The following MAPK6 variants were observed in gnomAD, a reference collection of about 807,000 sequenced individuals.
MAPK6 encodes the protein mitogen-activated protein kinase 6.
In MAPK6, 19 loss-of-function variants were observed where a neutral mutation model predicts 59.3. The ratio of observed to expected loss-of-function variants is 0.32; its 90% CI spans 0.22 to 0.47. The LOEUF is 0.47. Ranked by LOEUF, MAPK6 falls within the 20% of genes least tolerant of loss-of-function variation. The pLI is 1.00. For synonymous variants in MAPK6, 316 were observed against 290.3 expected (o/e 1.09, Z -0.90); for missense variants, 724 against 847.9 (o/e 0.85, Z 1.81).
intron 3 of MAPK6, among the ~76,000 whole-genome samples, chr15:52,009,230 C>T (rs550540938): frequency 3.9e-5 from 6 of 152,270 alleles, no homozygotes; most frequent in East Asian, 1.9e-4. Flanking sequence ...GACAAACATC[C>T]GGTCTATTCT....
Position 52,046,369 on chromosome 15 carries a change from C to A in MAPK6, c.-92C>A, listed in dbSNP as rs1439254787. 3 of 971,210 alleles carry A rather than the reference C, an allele frequency of 3.1e-6. No individual in the cohort carries two copies. In the African/African-American group the frequency reaches 4.9e-5, roughly 16 times the overall value. 60.2% of individuals were successfully genotyped at this position (971,210 alleles called of 1,614,324 possible). A position where few individuals can be genotyped will look rare whatever the true frequency, so the allele number is the denominator to read the frequency against. ...GGAAGCATAATTATTTTTCTTCTCC[C>A]TTTTTGAAAGATCTTTCCTTTTGAT... On this transcript the variant is annotated 5_prime_UTR_variant, in exon 2 of 6. Transcript: ENST00000261845.
In MAPK6 at chr15:52,064,377, G is replaced by T. The variant is rs761159355; in HGVS notation, c.1543G>T (p.Ala515Ser). ...GCTAGAGGAAGCATCACAGCAACTG[G>T]CTGGAAAAGAAAGGGAAAAGAATCA... ...IALEEASQQLAGKEREKNQGF... is the reference protein window; with the variant it reads ...IALEEASQQLSGKEREKNQGF... Residue 515 changes from alanine to serine, a missense_variant, in exon 6 of 6, where the codon GCT becomes TCT. By Grantham distance (99) the Ala-to-Ser change is moderately conservative. Transcript: ENST00000261845. 3 of 1,611,884 alleles carry T rather than the reference G, an allele frequency of 1.9e-6. No homozygotes were observed. Among genetic ancestry groups the T allele is most frequent in the Admixed American group, 1.7e-5 (1 of 60,002 alleles).
chr15:52,034,192 C>G (rs2031152089), intron 1 of MAPK6, among the ~76,000 whole-genome samples: 1 of 152,026 alleles, frequency 6.6e-6, no homozygotes, highest in African/African-American at 2.4e-5. Flanking sequence ...ACCATGTTCG[C>G]CAGGCTGGTT....
chr15:51,990,368 A>G (rs972933152), intron 2 of MAPK6, among the ~76,000 whole-genome samples: 8 of 152,236 alleles, frequency 5.3e-5, no homozygotes, highest in African/African-American at 1.9e-4. Flanking sequence ...CATAATTGCT[A>G]TGGGCAGTGA....
intron 2 of MAPK6, among the ~76,000 whole-genome samples, chr15:51,987,602 G>A (rs1197671265): frequency 6.6e-6 from 1 of 151,952 alleles, no homozygotes; most frequent in African/African-American, 2.4e-5. Context: ...CTGGGTGATA[G>A]AGTGAGACTC....
chr15:51,993,802 C>CTTTT (rs1169370572), intron 2 of MAPK6, among the ~76,000 whole-genome samples: 2 of 140,472 alleles, frequency 1.4e-5, no homozygotes, highest in African/African-American at 2.6e-5. Flanking sequence ...TTTTTTCTTT[C>CTTTT]TTTTTTTTTT....
chr15:51,992,915 T>G (rs985549247), intron 2 of MAPK6, among the ~76,000 whole-genome samples: 1 of 152,094 alleles, frequency 6.6e-6, no homozygotes, highest in African/African-American at 2.4e-5. Flanking sequence ...ACGTGTTCAC[T>G]TATCTGGAAG....
At chr15:52,021,080 C>T (rs367999815) in intron 1 of MAPK6, among the ~76,000 whole-genome samples, 8 of 152,258 alleles carry the variant, frequency 5.3e-5, no homozygotes, top group African/African-American at 1.4e-4. Flanking sequence ...TGGCTACTTT[C>T]TGTTATTAAA....
intron 1 of MAPK6, among the ~76,000 whole-genome samples, chr15:52,034,571 G>A (rs997833898): frequency 6.6e-6 from 1 of 152,124 alleles, no homozygotes; most frequent in African/African-American, 2.4e-5. Flanking sequence ...CCCCCAAAGT[G>A]CTAGGATTAC....
upstream of MAPK6, chr15:52,017,988 A>T (rs2030325067): frequency 6.6e-6 from 1 of 152,166 alleles, no homozygotes; most frequent in Non-Finnish European, 1.5e-5. Flanking sequence ...ATATTAAAAA[A>T]TATAAAGCAT....
chr15:51,977,191 C>T (rs1209812372), intron 1 of MAPK6, among the ~76,000 whole-genome samples: 3 of 151,248 alleles, frequency 2.0e-5, no homozygotes, highest in East Asian at 2.0e-4. Context: ...TTGGTAGAGA[C>T]GGGATTTCAC....
At chr15:51,988,080 A>C (rs2057196768) in intron 2 of MAPK6, among the ~76,000 whole-genome samples, 2 of 152,068 alleles carry the variant, frequency 1.3e-5, no homozygotes, top group South Asian at 4.1e-4. Flanking sequence ...CTGTTTCCCA[A>C]ATAATTTACA....
upstream of MAPK6, among the ~76,000 whole-genome samples, chr15:52,014,629 C>G (rs2030180444): frequency 6.6e-6 from 1 of 150,480 alleles, no homozygotes; most frequent in South Asian, 2.1e-4. Context: ...ATTGCTTGAG[C>G]CCGAGAGATT....
intron 3 of MAPK6, among the ~76,000 whole-genome samples, chr15:52,010,066 T>C (rs55873482): frequency 0.056 from 8,433 of 151,902 alleles, 458 homozygotes; most frequent in African/African-American, 0.13. Flanking sequence ...TCACCGTGCC[T>C]GGCCTTAAGT....
At chr15:52,060,595 G>T (rs74013659) in intron 4 of MAPK6, among the ~76,000 whole-genome samples, 3,441 of 152,240 alleles carry the variant, frequency 0.023, 96 homozygotes, top group East Asian at 0.069. Flanking sequence ...ATATCATAAG[G>T]CATAGAAGTG....
chr15:52,016,064 GCGCGCGCACA>G (rs1393760819), upstream of MAPK6, among the ~76,000 whole-genome samples: 4 of 54,954 alleles, frequency 7.3e-5, no homozygotes, highest in African/African-American at 2.0e-4. Flanking sequence ...GCGCGCGCGC[GCGCGCGCACA>G]CACACACACA....
At chr15:51,978,937 A>G (rs2141803779) in intron 1 of MAPK6, among the ~76,000 whole-genome samples, 1 of 151,702 alleles carries the variant, frequency 6.6e-6, no homozygotes, top group East Asian at 1.9e-4. Flanking sequence ...CCTGGGCAAC[A>G]TAGTGAGACC....
At chr15:52,018,278 C>T (rs77171802), upstream of MAPK6, among the ~76,000 whole-genome samples, 3,493 of 152,264 alleles carry the variant, frequency 0.023, 95 homozygotes, top group East Asian at 0.076. Context: ...ATCTGCCCGT[C>T]TCGGCCTCCC....
At chr15:52,062,900 T>C (rs2032259501) in intron 5 of MAPK6, among the ~76,000 whole-genome samples, 2 of 151,544 alleles carry the variant, frequency 1.3e-5, no homozygotes, top group African/African-American at 4.9e-5. Flanking sequence ...TCAGGTGATT[T>C]TGATGTATGG....
Sources: allele counts gnomAD v4.1 joint callset (sites outside exome capture counted in the v4.1 genomes callset), GRCh38; gene constraint gnomAD v4.1.1; transcripts MANE v1.5; gene names NCBI Gene and HGNC (gene_info 2026-07-23, HGNC 2026-07-21).